The following EXOSC7 variants were observed in gnomAD, a reference collection of about 807,000 sequenced individuals.
EXOSC7 encodes exosome component 7, also known as exosome complex component RRP42.
A neutral mutation model predicts 34.3 loss-of-function variants in EXOSC7; 25 were observed. The observed-to-expected ratio is 0.73, with a 90% CI of 0.53 to 1.02. The LOEUF (loss-of-function observed/expected upper bound fraction) is 1.02, where lower values mean the gene tolerates loss of function less well. Among genes scored for constraint, EXOSC7 ranks in the 50% least tolerant of loss-of-function variants. The pLI, the probability that EXOSC7 is intolerant of heterozygous loss-of-function variation, is 0.00. For synonymous variants in EXOSC7, 130 were observed against 143.0 expected (o/e 0.91, Z 0.65); for missense variants, 370 against 368.5 (o/e 1.00, Z -0.03).
intron 3 of EXOSC7, among the ~76,000 whole-genome samples, chr3:44,994,123 C>T (rs1310596976): frequency 6.6e-6 from 1 of 152,048 alleles, no homozygotes; most frequent in Non-Finnish European, 1.5e-5. Flanking sequence ...ATTACATAAC[C>T]TCTCTGTGAC....
At chr3:44,998,847 G>A (rs1287718153) in intron 4 of EXOSC7, among the ~76,000 whole-genome samples, 7 of 152,156 alleles carry the variant, frequency 4.6e-5, no homozygotes, top group Non-Finnish European at 8.8e-5. Context: ...GTTTGAGAAG[G>A]TGGGACCTGG....
At chr3:44,989,907 C>G (rs1576009153) in intron 3 of EXOSC7, among the ~76,000 whole-genome samples, 1 of 152,296 alleles carries the variant, frequency 6.6e-6, no homozygotes, top group African/African-American at 2.4e-5. Flanking sequence ...CAGCCTAGCA[C>G]ATGATTGTGA....
intron 7 of EXOSC7, among the ~76,000 whole-genome samples, chr3:45,009,029 C>A (rs1707132911): frequency 6.6e-6 from 1 of 152,212 alleles, no homozygotes. Flanking sequence ...AAGCAGCTTG[C>A]CTACAGGCCT....
In EXOSC7 at chr3:44,976,342, C is replaced by G. The variant is rs1304620706; in HGVS notation, c.57+8C>G. ...ATCGTGCATGGCGTCCAGGTAGCTA[C>G]AGCAGCGGCGTTGGGTCGGCCGCCG... On this transcript the variant is annotated splice_region_variant and intron_variant, in intron 1 of 7. Coordinates refer to ENST00000265564, the MANE Select transcript of EXOSC7 (RefSeq NM_015004.4). 6.4e-7 allele frequency: 1 copy of G among 1,567,940 alleles called. No homozygotes were observed.
chr3:44,990,095 C>T (rs1031771868), intron 3 of EXOSC7, among the ~76,000 whole-genome samples: 1 of 152,150 alleles, frequency 6.6e-6, no homozygotes. Context: ...GAGGAAGTGG[C>T]AGCTAGGCAG....
intron 3 of EXOSC7, among the ~76,000 whole-genome samples, chr3:44,993,157 T>C (rs1490948571): frequency 6.6e-6 from 1 of 152,086 alleles, no homozygotes; most frequent in African/African-American, 2.4e-5. Flanking sequence ...AATCAAAGTC[T>C]CCCAAGCTGA....
chr3:44,993,757 C>G (rs1001244800), intron 3 of EXOSC7, among the ~76,000 whole-genome samples: 12 of 152,224 alleles, frequency 7.9e-5, no homozygotes, highest in South Asian at 4.1e-4. Context: ...GTGTACACCC[C>G]CCACTGAAGG....
chr3:44,979,515 A>G (rs1706218059), intron 1 of EXOSC7, among the ~76,000 whole-genome samples: 1 of 152,140 alleles, frequency 6.6e-6, no homozygotes, highest in South Asian at 2.1e-4. Flanking sequence ...ATGGTAACCA[A>G]CACATCGGCT....
At chr3:44,989,470 G>A (rs990680019) in intron 2 of EXOSC7, 80 bp from the exon 3 acceptor site, 2 of 1,166,514 alleles carry the variant, frequency 1.7e-6, no homozygotes, top group African/African-American at 1.5e-5. Context: ...CCCCAGGGGT[G>A]TATGTCCAGA....
At chr3:44,982,458 T>A (rs957461780) in intron 1 of EXOSC7, among the ~76,000 whole-genome samples, 1 of 152,228 alleles carries the variant, frequency 6.6e-6, no homozygotes, top group Non-Finnish European at 1.5e-5. Flanking sequence ...GGTTCAGACC[T>A]GGCCATGGCA....
intron 1 of EXOSC7, among the ~76,000 whole-genome samples, chr3:44,987,450 T>C (rs1276082253): frequency 6.6e-6 from 1 of 152,238 alleles, no homozygotes; most frequent in Non-Finnish European, 1.5e-5. Flanking sequence ...GATGTGCCTG[T>C]AATTCCAGCT....
intron 3 of EXOSC7, among the ~76,000 whole-genome samples, chr3:44,991,141 A>G (rs1050686864): frequency 4.6e-5 from 7 of 152,318 alleles, no homozygotes; most frequent in African/African-American, 1.2e-4. Flanking sequence ...CATGCAGCCT[A>G]TGGAAGCCAG....
Position 45,005,301 on chromosome 3 carries a change from G to C in EXOSC7, c.502G>C (p.Val168Leu), listed in dbSNP as rs752749311. 7 of 1,613,988 alleles carry C rather than the reference G, an allele frequency of 4.3e-6. No homozygotes were observed. The highest frequency in any genetic ancestry group is 1.3e-5 in the African/African-American group (1 of 74,888). Residue 168 changes from valine (V) to leucine (L), a missense_variant, in exon 6 of 8, where the codon GTT (valine) becomes CTT (leucine). By Grantham distance (32) the Val-to-Leu change is conservative. Coordinates refer to ENST00000265564, the MANE Select transcript of EXOSC7 (RefSeq NM_015004.4). The part of the protein sequence containing the change: ...AALFNTRIPR[V>L]RVLEDEEGSK... ...TGCTTCTGCTTCCAGGATACCAAGG[G>C]TTCGAGTTTTGGAGGATGAAGAGGG...
At chr3:44,987,846 G>A (rs1706464836) in intron 1 of EXOSC7, among the ~76,000 whole-genome samples, 1 of 152,228 alleles carries the variant, frequency 6.6e-6, no homozygotes, top group Non-Finnish European at 1.5e-5. Context: ...CTTTGAGAAA[G>A]AAGTTACAAA....
intron 4 of EXOSC7, among the ~76,000 whole-genome samples, chr3:45,000,565 C>T (rs574378975): frequency 7.2e-5 from 11 of 152,350 alleles, no homozygotes; most frequent in Admixed American, 3.9e-4. Context: ...GATGAGCATA[C>T]GTAAGTGCAC....
At chr3:45,001,407 C>T in intron 4 of EXOSC7, 131 bp from the exon 5 acceptor site, 1 of 695,216 alleles carries the variant, frequency 1.4e-6, no homozygotes, top group South Asian at 1.7e-5. Context: ...TGCACCACTG[C>T]ACTCCAGCCT....
intron 3 of EXOSC7, 47 bp from the exon 4 acceptor site, chr3:44,997,040 T>C (rs1706740246): frequency 6.3e-7 from 1 of 1,591,036 alleles, no homozygotes; most frequent in Non-Finnish European, 8.6e-7. Context: ...CTTTGCTTTT[T>C]GCACTTGGAA....
intron 1 of EXOSC7, among the ~76,000 whole-genome samples, chr3:44,985,559 A>C (rs980563935): frequency 3.6e-5 from 5 of 137,288 alleles, no homozygotes; most frequent in Non-Finnish European, 7.8e-5. Flanking sequence ...GGAGTTGTTC[A>C]TTCCTCCCGA....
chr3:44,989,381 G>A (rs986803701), intron 2 of EXOSC7, 140 bp downstream of exon 2: 2 of 819,402 alleles, frequency 2.4e-6, no homozygotes, highest in African/African-American at 1.7e-5. Context: ...AGGGAGGGGG[G>A]GTCTATCCAG....
Sources: allele counts gnomAD v4.1 joint callset (sites outside exome capture counted in the v4.1 genomes callset), GRCh38; gene constraint gnomAD v4.1.1; transcripts MANE v1.5; gene names NCBI Gene and HGNC (gene_info 2026-07-23, HGNC 2026-07-21).